The following MARCHF1 variants were observed in gnomAD, a reference collection of about 807,000 sequenced individuals.
MARCHF1 encodes E3 ubiquitin-protein ligase MARCHF1.
Under a neutral mutation model 54.2 loss-of-function variants are expected in MARCHF1, and 40 were observed. That is an observed-to-expected ratio of 0.74 (90% CI 0.57 to 0.96). The LOEUF (loss-of-function observed/expected upper bound fraction) is 0.96, where lower values mean the gene tolerates loss of function less well. Among genes scored for constraint, MARCHF1 ranks in the 40% least tolerant of loss-of-function variants. The pLI is 0.00. For missense variants in MARCHF1, 586 were observed against 656.5 expected, an observed-to-expected ratio of 0.89 and a Z score of 1.17; for synonymous variants, 236 against 236.3, an observed-to-expected ratio of 1.00 and a Z score of 0.01.
At chr4:164,262,218 T>C (rs751020263) in intron 1 of MARCHF1, among the ~76,000 whole-genome samples, 2 of 151,932 alleles carry the variant, frequency 1.3e-5, no homozygotes, top group African/African-American at 2.4e-5. Flanking sequence ...AGGGAGAAGA[T>C]GCTTATTAAT....
At chr4:163,986,341 T>C (rs1487556819) in intron 3 of MARCHF1, among the ~76,000 whole-genome samples, 3 of 138,812 alleles carry the variant, frequency 2.2e-5, no homozygotes, top group African/African-American at 8.1e-5. Context: ...CTCGGCTCAC[T>C]GCAAGCTCCG....
At position 164,138,416 on chromosome 4, in the gene MARCHF1, G is replaced by A. The variant is rs902538423; in HGVS notation, c.-322-26754C>T. ...GAGCCAAAGAAGAGTGAGATCCTGT[G>A]ACCAGAAGTAGGAGCAAGGGAGCTA... On this transcript the variant is annotated intron_variant, in intron 1 of 9. Coordinates refer to ENST00000514618, the MANE Select transcript of MARCHF1 (RefSeq NM_001394959.1). Among the ~76,000 whole-genome samples, 4 of 152,158 alleles carry A rather than the reference G, an allele frequency of 2.6e-5. No homozygotes were observed. The South Asian group carries it at 8.3e-4, about 31-fold the overall frequency.
chr4:164,019,218 C>T (rs1310120959), intron 2 of MARCHF1, among the ~76,000 whole-genome samples: 1 of 152,160 alleles, frequency 6.6e-6, no homozygotes, highest in African/African-American at 2.4e-5. Context: ...GCTATAACAC[C>T]TGTTGAGTGG....
intron 4 of MARCHF1, among the ~76,000 whole-genome samples, chr4:163,715,148 A>G (rs1289973899): frequency 2.0e-5 from 3 of 152,178 alleles, no homozygotes; most frequent in African/African-American, 7.2e-5. Context: ...AGTATTATCA[A>G]CTCTTCCATG....
intron 9 of MARCHF1, among the ~76,000 whole-genome samples, chr4:163,545,177 C>T (rs140675147): frequency 8.5e-4 from 130 of 152,310 alleles, no homozygotes; most frequent in African/African-American, 3.1e-3. Context: ...AGAGCTATAA[C>T]ACATTCTCTA....
intron 1 of MARCHF1, among the ~76,000 whole-genome samples, chr4:164,247,464 C>T (rs1051981185): frequency 1.3e-4 from 19 of 151,036 alleles, no homozygotes; most frequent in Non-Finnish European, 2.1e-4. Context: ...TTGTGGGGTG[C>T]GGGGAGAGGG....
chr4:163,902,899 G>A (rs1304634167), intron 3 of MARCHF1, among the ~76,000 whole-genome samples: 1 of 151,986 alleles, frequency 6.6e-6, no homozygotes, highest in Non-Finnish European at 1.5e-5. Flanking sequence ...TAGCTCCATA[G>A]ACCATTGTCT....
At chr4:164,299,349 G>T (rs543525631) in intron 1 of MARCHF1, among the ~76,000 whole-genome samples, 1 of 152,208 alleles carries the variant, frequency 6.6e-6, no homozygotes, top group Non-Finnish European at 1.5e-5. Flanking sequence ...TGACAACTTT[G>T]ACACATTAAA....
intron 3 of MARCHF1, among the ~76,000 whole-genome samples, chr4:163,944,740 C>G (rs1751990871): frequency 6.6e-6 from 1 of 152,164 alleles, no homozygotes; most frequent in Non-Finnish European, 1.5e-5. Context: ...ACGTTAATTA[C>G]AGGCAGGCAT....
At chr4:163,998,624 AC>A (rs1331390840) in intron 2 of MARCHF1, among the ~76,000 whole-genome samples, 2 of 151,726 alleles carry the variant, frequency 1.3e-5, no homozygotes, top group African/African-American at 4.8e-5. Context: ...ATATCCTTTG[AC>A]CAACATCTCC....
intron 5 of MARCHF1, among the ~76,000 whole-genome samples, chr4:163,687,571 G>A (rs1037358480): frequency 5.3e-5 from 8 of 152,018 alleles, no homozygotes; most frequent in African/African-American, 1.7e-4. Context: ...GAACCAAAAA[G>A]TAATTAATTA....
At chr4:164,150,362 T>C (rs1385411001) in intron 1 of MARCHF1, among the ~76,000 whole-genome samples, 2 of 152,184 alleles carry the variant, frequency 1.3e-5, no homozygotes, top group African/African-American at 4.8e-5. Context: ...ACCACAGGGA[T>C]TGTACCAAAA....
chr4:163,571,039 C>T (rs757450037), intron 8 of MARCHF1, among the ~76,000 whole-genome samples: 43 of 152,172 alleles, frequency 2.8e-4, no homozygotes, highest in Middle Eastern at 6.8e-3. Context: ...AATCTTTATG[C>T]ATCTTTCTAG....
At chr4:163,854,862 A>G (rs1462740826) in intron 3 of MARCHF1, among the ~76,000 whole-genome samples, 1 of 152,194 alleles carries the variant, frequency 6.6e-6, no homozygotes, top group African/African-American at 2.4e-5. Flanking sequence ...AAGTCATATC[A>G]ACAATGACTT....
intron 4 of MARCHF1, among the ~76,000 whole-genome samples, chr4:163,825,174 A>G (rs1052643942): frequency 2.6e-5 from 4 of 152,000 alleles, no homozygotes; most frequent in African/African-American, 4.8e-5. Flanking sequence ...TGATACACTT[A>G]TAAGTGAGAA....
chr4:163,529,620 C>G (rs1263578873), intron 9 of MARCHF1, among the ~76,000 whole-genome samples: 1 of 151,934 alleles, frequency 6.6e-6, no homozygotes, highest in African/African-American at 2.4e-5. Context: ...TACAAACATG[C>G]AAAAGATTTA....
chr4:163,718,367 AC>A (rs1745331088), intron 4 of MARCHF1, among the ~76,000 whole-genome samples: 1 of 152,250 alleles, frequency 6.6e-6, no homozygotes, highest in African/African-American at 2.4e-5. Context: ...TGAACAGGCA[AC>A]CTACAGAATG....
chr4:164,008,475 T>C (rs531854296), intron 2 of MARCHF1, among the ~76,000 whole-genome samples: 1 of 152,168 alleles, frequency 6.6e-6, no homozygotes, highest in South Asian at 2.1e-4. Flanking sequence ...ACATATTAGA[T>C]AAAATAGACC....
chr4:163,733,941 A>C (rs1052009493), intron 4 of MARCHF1, among the ~76,000 whole-genome samples: 1 of 152,198 alleles, frequency 6.6e-6, no homozygotes, highest in African/African-American at 2.4e-5. Context: ...TATACAAAGA[A>C]ATTTTGATGC....
Sources: allele counts gnomAD v4.1 joint callset (sites outside exome capture counted in the v4.1 genomes callset), GRCh38; gene constraint gnomAD v4.1.1; transcripts MANE v1.5; gene names NCBI Gene and HGNC (gene_info 2026-07-23, HGNC 2026-07-21).